EML6: variants seen among roughly 807,000 people sequenced by gnomAD.
EML6 encodes the protein echinoderm microtubule-associated protein-like 6.
A neutral mutation model predicts 240.1 loss-of-function variants in EML6; 154 were observed. The observed-to-expected ratio is 0.64, with a 90% CI of 0.56 to 0.73. The LOEUF (loss-of-function observed/expected upper bound fraction) is 0.73. Among genes scored for constraint, EML6 ranks in the 30% least tolerant of loss-of-function variants. The pLI is 0.00. For missense variants in EML6, 2,964 were observed against 2,474.6 expected (o/e 1.20, Z -4.20); for synonymous variants, 1,148 against 899.0 (o/e 1.28, Z -4.95).
chr2:54,838,045 G>T (rs1286772001), intron 7 of EML6, among the ~76,000 whole-genome samples: 1 of 152,200 alleles, frequency 6.6e-6, no homozygotes, highest in Non-Finnish European at 1.5e-5. Context: ...TTGTGTGCTG[G>T]AACATAGCCT....
chr2:54,937,355 C>T (rs557946702), intron 28 of EML6, among the ~76,000 whole-genome samples: 2 of 150,996 alleles, frequency 1.3e-5, no homozygotes, highest in Admixed American at 6.6e-5. Context: ...GAAGCCGAGG[C>T]AGGAGGATGG....
At chr2:54,796,110 A>ATC (rs1459606222) in intron 2 of EML6, among the ~76,000 whole-genome samples, 22 of 152,326 alleles carry the variant, frequency 1.4e-4, no homozygotes, top group Non-Finnish European at 2.9e-4. Flanking sequence ...TCTGAAGGGA[A>ATC]ATAAAGGCAA....
chr2:54,812,402 T>C (rs1244605230), intron 2 of EML6, among the ~76,000 whole-genome samples: 6 of 152,160 alleles, frequency 3.9e-5, no homozygotes, highest in Non-Finnish European at 7.4e-5. Context: ...TATTTGTTGA[T>C]TGTATAAGCA....
intron 19 of EML6, 112 bp downstream of exon 19, chr2:54,892,768 G>C (rs1395274598): frequency 5.5e-6 from 4 of 733,204 alleles, no homozygotes; most frequent in Non-Finnish European, 8.7e-6. Flanking sequence ...GTCTGAATTA[G>C]GAAGTAGTTG....
chr2:54,961,184 G>GTTGTTTTTTTGTTTTTTTTT, intron 35 of EML6, among the ~76,000 whole-genome samples: 1 of 55,424 alleles, frequency 1.8e-5, no homozygotes, highest in African/African-American at 8.1e-5. Context: ...TCAGGAAGTA[G>GTTGTTTTTTTGTTTTTTTTT]TTTTTTTTTT....
At chr2:54,887,462 G>C (rs1373656890) in intron 17 of EML6, among the ~76,000 whole-genome samples, 1 of 152,070 alleles carries the variant, frequency 6.6e-6, no homozygotes, top group Non-Finnish European at 1.5e-5. Flanking sequence ...TTCCCAGTTT[G>C]TCATTCATCC....
At chr2:54,808,201 T>C (rs1489865261) in intron 2 of EML6, among the ~76,000 whole-genome samples, 3 of 152,168 alleles carry the variant, frequency 2.0e-5, no homozygotes, top group African/African-American at 4.8e-5. Context: ...ATCACAGTTG[T>C]GGTGGGGTAC....
intron 2 of EML6, among the ~76,000 whole-genome samples, chr2:54,793,866 T>C (rs1669607596): frequency 6.6e-6 from 1 of 152,130 alleles, no homozygotes; most frequent in Non-Finnish European, 1.5e-5. Flanking sequence ...CCTAGGTCTT[T>C]TCTCTTCCTT....
Position 54,891,091 on chromosome 2 carries a change from C to G in EML6, c.2476C>G (p.Pro826Ala). The G allele has an allele frequency of 6.6e-7, 1 of 1,510,842 alleles. No individual in the cohort carries two copies. The highest frequency in any genetic ancestry group is 1.2e-5 in the South Asian group (1 of 80,084). The allele number at this position is 1,510,842 out of a possible 1,614,324, so 93.6% of individuals were successfully genotyped here. The change falls in exon 18 of 42, where the codon CCA becomes GCA. Residue 826 changes from proline (P) to alanine (A), a missense_variant. Transcript: ENST00000356458. ...KDKIFVVKCNPHHVDKLVTVG... is the reference protein window; with the variant it reads ...KDKIFVVKCNAHHVDKLVTVG... ...TAAGATATTTGTGGTAAAGTGTAAC[C>G]CACACCATGTTGACAAACTGGTTAC...
chr2:54,783,625 A>AG (rs11448570), intron 2 of EML6, among the ~76,000 whole-genome samples: 8,016 of 152,110 alleles, frequency 0.053, 666 homozygotes, highest in African/African-American at 0.17. Context: ...TTTATGCTGA[A>AG]TTGCGGCTAG....
chr2:54,866,744 G>C, intron 13 of EML6, 22 bp from the exon 14 acceptor site: 1 of 1,438,532 alleles, frequency 7.0e-7, no homozygotes, highest in South Asian at 1.2e-5. Context: ...ATCTCACCCA[G>C]ATGTTTCTGT....
At chr2:54,818,972 C>T (rs1022153414) in intron 4 of EML6, among the ~76,000 whole-genome samples, 1 of 152,164 alleles carries the variant, frequency 6.6e-6, no homozygotes, top group Admixed American at 6.5e-5. Flanking sequence ...GTTTTATACC[C>T]TGCAAAATGA....
intron 7 of EML6, among the ~76,000 whole-genome samples, chr2:54,836,956 C>T (rs1278486226): frequency 6.6e-6 from 1 of 152,150 alleles, no homozygotes; most frequent in Non-Finnish European, 1.5e-5. Context: ...GCCCAGGATC[C>T]AGGCTCCCTA....
At chr2:54,828,100 C>T (rs556980252) in intron 6 of EML6, among the ~76,000 whole-genome samples, 6 of 152,274 alleles carry the variant, frequency 3.9e-5, no homozygotes, top group Admixed American at 3.3e-4. Flanking sequence ...ATTCTGGCTC[C>T]ATAGGTCTGC....
rs1683489147 is a variant in EML6, at chr2:54,738,362, C to G, written c.197+13104C>G. 2.0e-5 allele frequency among the ~76,000 whole-genome samples: 3 copies of G among 152,286 alleles called. No individual in the cohort carries two copies. In the South Asian group the frequency reaches 6.2e-4, roughly 32 times the overall value. On this transcript the variant is annotated intron_variant, in intron 2 of 41. Transcript: ENST00000356458. ...TCTTTTTTGTACCCCCTTTGACAGG[C>G]TATGAAGCCTATAGACACCATCTCA... is the stretch of plus-strand genomic sequence containing the variant.
At chr2:54,902,785 G>C (rs1673127866) in intron 22 of EML6, among the ~76,000 whole-genome samples, 1 of 152,194 alleles carries the variant, frequency 6.6e-6, no homozygotes, top group Non-Finnish European at 1.5e-5. Flanking sequence ...ATGTGGCCCA[G>C]ACTGGTCTCG....
intron 7 of EML6, among the ~76,000 whole-genome samples, chr2:54,838,114 C>G (rs1367269444): frequency 6.6e-6 from 1 of 152,162 alleles, no homozygotes; most frequent in Non-Finnish European, 1.5e-5. Flanking sequence ...ATGACAAAAG[C>G]TAAGTTGTAA....
chr2:54,794,128 T>C (rs1669626727), intron 2 of EML6, among the ~76,000 whole-genome samples: 1 of 152,212 alleles, frequency 6.6e-6, no homozygotes, highest in African/African-American at 2.4e-5. Context: ...AGTTGTGTTA[T>C]TATCCCCATT....
chr2:54,956,255 CAT>C (rs1676228981), intron 32 of EML6, among the ~76,000 whole-genome samples: 4 of 1,640 alleles, frequency 2.4e-3, no homozygotes, highest in African/African-American at 0.014. Context: ...GCACTTCTCC[CAT>C]GACTGGTGAG....
Sources: gnomAD v4.1 joint callset for allele counts (sites outside exome capture counted in the v4.1 genomes callset) on GRCh38, gnomAD v4.1.1 for gene constraint, MANE v1.5 for transcripts, NCBI Gene and HGNC (gene_info 2026-07-23, HGNC 2026-07-21) for gene names.